Variants in NBAS observed in about 807,000 individuals in gnomAD.
NBAS encodes the protein NBAS subunit of NRZ tethering complex, also known as NAG/BC035112 fusion.
NBAS carries 219 observed loss-of-function variants against 302.5 expected under a neutral mutation model. That is an observed-to-expected ratio of 0.72 (90% CI 0.65 to 0.81). The LOEUF is 0.81. Among genes scored for constraint, NBAS ranks in the 30% least tolerant of loss-of-function variants. The pLI, the probability that NBAS is intolerant of heterozygous loss-of-function variation, is 0.00. For missense variants in NBAS, 2,932 were observed against 2,841.6 expected, an observed-to-expected ratio of 1.03 and a Z score of -0.72; for synonymous variants, 1,118 against 1,021.6, an observed-to-expected ratio of 1.09 and a Z score of -1.80.
chr2:15,141,057 G>T, the NBAS span, among the ~76,000 whole-genome samples: 1 of 152,124 alleles, frequency 6.6e-6, no homozygotes, highest in South Asian at 2.1e-4. Context: ...TTATTTCTGT[G>T]CAAAGTATTT....
intron 44 of NBAS, among the ~76,000 whole-genome samples, chr2:15,258,706 G>A (rs959258085): frequency 3.9e-5 from 6 of 152,164 alleles, no homozygotes; most frequent in African/African-American, 1.4e-4. Context: ...TGTTTAAGAT[G>A]TTTATCAAGA....
the NBAS span, among the ~76,000 whole-genome samples, chr2:15,054,664 T>C: frequency 6.6e-6 from 1 of 152,158 alleles, no homozygotes; most frequent in African/African-American, 2.4e-5. Flanking sequence ...CAGACCAACA[T>C]AGAAACACAC....
chr2:15,116,308 T>C, the NBAS span, among the ~76,000 whole-genome samples: 2 of 152,162 alleles, frequency 1.3e-5, no homozygotes, highest in Non-Finnish European at 2.9e-5. Context: ...TAAAAATTTA[T>C]TTCTTACAGT....
At chr2:15,251,556 G>A (rs1355328201) in intron 44 of NBAS, among the ~76,000 whole-genome samples, 1 of 152,210 alleles carries the variant, frequency 6.6e-6, no homozygotes, top group Non-Finnish European at 1.5e-5. Flanking sequence ...CCTTGGGGCT[G>A]CTAATTGCCC....
chr2:15,532,538 A>G (rs1258760319), intron 9 of NBAS, among the ~76,000 whole-genome samples: 2 of 151,556 alleles, frequency 1.3e-5, no homozygotes, highest in Non-Finnish European at 2.9e-5. Context: ...AACAGGATTT[A>G]ACATATAACA....
At chr2:15,241,897 C>A (rs533824983) in intron 44 of NBAS, among the ~76,000 whole-genome samples, 3 of 152,152 alleles carry the variant, frequency 2.0e-5, no homozygotes, top group Non-Finnish European at 2.9e-5. Flanking sequence ...AATTGTAACT[C>A]GAACCCTAAG....
chr2:15,189,508 G>A (rs893031439), intron 49 of NBAS, among the ~76,000 whole-genome samples: 3 of 152,162 alleles, frequency 2.0e-5, no homozygotes, highest in South Asian at 2.1e-4. Flanking sequence ...AGGCACTTGC[G>A]ACAAGGGCAT....
rs960403246 is a variant in NBAS, at chr2:15,500,547, G to T, written c.954+3598C>A. ...ACACACACACACACACACAAAATTA[G>T]AAATCTATCCTTCAAATCAAACAAA... On this transcript the variant is annotated intron_variant, in intron 11 of 51. Coordinates refer to ENST00000281513, the MANE Select transcript of NBAS (RefSeq NM_015909.4). 2.1e-5 allele frequency among the ~76,000 whole-genome samples: 3 copies of T among 139,638 alleles called. No homozygotes were observed. In the East Asian group the frequency reaches 6.1e-4, roughly 29 times the overall value. The allele number at this position is 139,638 out of a possible 152,430, so 91.6% of individuals were successfully genotyped here. A position where few individuals can be genotyped will look rare whatever the true frequency, so the allele number is the denominator to read the frequency against.
the NBAS span, among the ~76,000 whole-genome samples, chr2:14,942,947 T>A: frequency 2.8e-3 from 426 of 152,328 alleles, 2 homozygotes; most frequent in South Asian, 7.3e-3. Flanking sequence ...GCCAGGGACC[T>A]CTCTGCAGAT....
intron 35 of NBAS, among the ~76,000 whole-genome samples, chr2:15,348,906 G>A (rs964990242): frequency 6.6e-6 from 1 of 152,172 alleles, no homozygotes; most frequent in Non-Finnish European, 1.5e-5. Flanking sequence ...AACAGTGAGA[G>A]AGAATGCTTA....
At chr2:15,113,489 C>A in the NBAS span, among the ~76,000 whole-genome samples, 139 of 152,070 alleles carry the variant, frequency 9.1e-4, 3 homozygotes, top group East Asian at 0.018. Flanking sequence ...AAAATGTTCA[C>A]AATGAGTCTG....
the NBAS span, among the ~76,000 whole-genome samples, chr2:14,901,106 C>A: frequency 6.6e-6 from 1 of 152,138 alleles, no homozygotes; most frequent in East Asian, 1.9e-4. Context: ...ATTTCTTGTC[C>A]ATCTTTGTAA....
intron 44 of NBAS, among the ~76,000 whole-genome samples, chr2:15,256,658 C>G (rs527842098): frequency 6.6e-6 from 1 of 152,292 alleles, no homozygotes; most frequent in Admixed American, 6.5e-5. Flanking sequence ...ATGCTTTCAA[C>G]TTTTCCCTGT....
chr2:15,240,774 G>T (rs1247630776), intron 44 of NBAS, among the ~76,000 whole-genome samples: 1 of 152,132 alleles, frequency 6.6e-6, no homozygotes, highest in African/African-American at 2.4e-5. Context: ...CTTCTTACCA[G>T]ATTTCTGGCT....
chr2:15,089,234 G>C, the NBAS span, among the ~76,000 whole-genome samples: 2,017 of 151,984 alleles, frequency 0.013, 16 homozygotes, highest in Non-Finnish European at 0.02. Context: ...CTCCTGCTTC[G>C]GCCTCCCAGA....
At chr2:15,467,198 C>T (rs1401459795) in intron 19 of NBAS, 131 bp downstream of exon 19, 4 of 714,128 alleles carry the variant, frequency 5.6e-6, no homozygotes, top group East Asian at 2.7e-5. Context: ...AGAGAACTTG[C>T]TTCTATAAGA....
At chr2:14,842,995 T>C in the NBAS span, among the ~76,000 whole-genome samples, 3 of 152,128 alleles carry the variant, frequency 2.0e-5, no homozygotes, top group African/African-American at 7.2e-5. Flanking sequence ...ATCCTATGGA[T>C]ACAAGGATGG....
chr2:15,161,965 T>C (rs1397142262), downstream of NBAS, among the ~76,000 whole-genome samples: 1 of 152,156 alleles, frequency 6.6e-6, no homozygotes. Flanking sequence ...ATACCTATAG[T>C]CTACCTTCCC....
the NBAS span, among the ~76,000 whole-genome samples, chr2:15,062,569 A>C: frequency 1.3e-5 from 2 of 152,214 alleles, no homozygotes; most frequent in Non-Finnish European, 2.9e-5. Context: ...GCATGCAATC[A>C]AAAAGAGGAA....
Sources: allele counts gnomAD v4.1 joint callset (sites outside exome capture counted in the v4.1 genomes callset), GRCh38; gene constraint gnomAD v4.1.1; transcripts MANE v1.5; gene names NCBI Gene and HGNC (gene_info 2026-07-23, HGNC 2026-07-21).